Variants in SOX6 observed in about 807,000 individuals in gnomAD.
The protein encoded by SOX6 is SRY-box transcription factor 6.
A neutral mutation model predicts 97.8 loss-of-function variants in SOX6; 11 were observed. The observed-to-expected ratio is 0.11, with a 90% CI of 0.07 to 0.19. The LOEUF is 0.19. SOX6 is among the 10% of genes least tolerant of loss of function. The pLI, the probability that SOX6 is intolerant of heterozygous loss-of-function variation, is 1.00. For missense variants in SOX6, 810 were observed against 1,039.5 expected (o/e 0.78, Z 3.04); for synonymous variants, 360 against 371.4 (o/e 0.97, Z 0.35).
At chr11:16,472,897 T>C (rs1225353611) in intron 1 of SOX6, among the ~76,000 whole-genome samples, 11 of 152,158 alleles carry the variant, frequency 7.2e-5, no homozygotes, top group Non-Finnish European at 1.6e-4. Context: ...TCTTTGCTGT[T>C]ATCAAATGTA....
chr11:16,156,165 T>C (rs542067675), intron 6 of SOX6, among the ~76,000 whole-genome samples: 75 of 152,114 alleles, frequency 4.9e-4, no homozygotes, highest in Non-Finnish European at 8.4e-4. Flanking sequence ...CTAAGAGCCC[T>C]ATCACCACAT....
At chr11:16,534,064 G>C (rs771777206) in intron 4 of SOX6, among the ~76,000 whole-genome samples, 6 of 152,118 alleles carry the variant, frequency 3.9e-5, no homozygotes, top group Non-Finnish European at 5.9e-5. Context: ...GCAATTTAAA[G>C]TAATGACTTG....
intron 3 of SOX6, among the ~76,000 whole-genome samples, chr11:16,713,180 A>C (rs547746421): frequency 1.3e-5 from 2 of 152,332 alleles, no homozygotes; most frequent in Non-Finnish European, 2.9e-5. Flanking sequence ...AACTATACCT[A>C]AGAAATTTTC....
chr11:16,287,205 G>A (rs1250508814), intron 3 of SOX6, among the ~76,000 whole-genome samples: 1 of 151,220 alleles, frequency 6.6e-6, no homozygotes, highest in Non-Finnish European at 1.5e-5. Context: ...ATGCTATATT[G>A]TGCTATACCA....
intron 4 of SOX6, among the ~76,000 whole-genome samples, chr11:16,578,722 G>A (rs938146007): frequency 1.5e-4 from 23 of 152,032 alleles, no homozygotes; most frequent in African/African-American, 5.3e-4. Flanking sequence ...AAAAGAAAGA[G>A]GAGTGCAGAG....
intron 3 of SOX6, among the ~76,000 whole-genome samples, chr11:16,269,738 C>T (rs1854193172): frequency 6.6e-6 from 1 of 151,114 alleles, no homozygotes; most frequent in African/African-American, 2.4e-5. Context: ...ATTATATCCT[C>T]TAATTGGCTG....
chr11:16,575,531 C>G (rs1024156918), intron 4 of SOX6, among the ~76,000 whole-genome samples: 4 of 152,126 alleles, frequency 2.6e-5, no homozygotes, highest in Non-Finnish European at 5.9e-5. Flanking sequence ...ATAAACAATT[C>G]TGATATTCAC....
chr11:16,599,883 A>AGAAGAGAT (rs889511979), intron 4 of SOX6, among the ~76,000 whole-genome samples: 7 of 152,202 alleles, frequency 4.6e-5, no homozygotes, highest in African/African-American at 1.7e-4. Flanking sequence ...TAGAGGAGCA[A>AGAAGAGAT]GAAGAGATTC....
chr11:16,233,759 T>C (rs1342966851), intron 4 of SOX6, among the ~76,000 whole-genome samples: 7 of 151,952 alleles, frequency 4.6e-5, no homozygotes, highest in African/African-American at 1.7e-4. Context: ...CCTGTAATCC[T>C]AGCAATTTGG....
intron 2 of SOX6, among the ~76,000 whole-genome samples, chr11:16,320,807 A>G (rs1386624489): frequency 6.6e-6 from 1 of 152,150 alleles, no homozygotes; most frequent in Admixed American, 6.6e-5. Flanking sequence ...CTTTTCATTG[A>G]GATAAATCTT....
At chr11:16,360,681 C>T (rs574942652), upstream of SOX6, among the ~76,000 whole-genome samples, 78 of 152,142 alleles carry the variant, frequency 5.1e-4, no homozygotes, top group Middle Eastern at 0.01. Flanking sequence ...ATAAATAATG[C>T]GTTGAATGAC....
chr11:16,331,448 TCAA>T (rs1431455003), intron 2 of SOX6, among the ~76,000 whole-genome samples: 2 of 152,174 alleles, frequency 1.3e-5, no homozygotes, highest in Non-Finnish European at 2.9e-5. Flanking sequence ...CCCTGTGAGC[TCAA>T]CAAACTCCTC....
chr11:16,194,657 T>A (rs1851723260), intron 4 of SOX6, among the ~76,000 whole-genome samples: 1 of 152,104 alleles, frequency 6.6e-6, no homozygotes, highest in South Asian at 2.1e-4. Flanking sequence ...AAGATCAAAC[T>A]CTCCTATACC....
intron 3 of SOX6, among the ~76,000 whole-genome samples, chr11:16,692,088 TGC>T (rs75817806): frequency 0.13 from 19,092 of 144,478 alleles, 1,228 homozygotes; most frequent in Admixed American, 0.17. Context: ...TGTGTGTGTG[TGC>T]GCGCGCGCGC....
chr11:16,705,128 G>A (rs1439045464), intron 3 of SOX6, among the ~76,000 whole-genome samples: 1 of 151,864 alleles, frequency 6.6e-6, no homozygotes, highest in Non-Finnish European at 1.5e-5. Flanking sequence ...CATGGTAGTG[G>A]GCACCTGTAA....
At chr11:16,358,804 A>G (rs1465003708), upstream of SOX6, among the ~76,000 whole-genome samples, 2 of 152,164 alleles carry the variant, frequency 1.3e-5, no homozygotes, top group African/African-American at 2.4e-5. Context: ...TCTAACACTG[A>G]AATTTTATTA....
At chr11:16,302,988 T>C (rs1855311867) in intron 3 of SOX6, among the ~76,000 whole-genome samples, 1 of 152,172 alleles carries the variant, frequency 6.6e-6, no homozygotes, top group Non-Finnish European at 1.5e-5. Context: ...ACAATATTTA[T>C]CTCTGTTCAT....
intron 6 of SOX6, among the ~76,000 whole-genome samples, chr11:16,161,437 T>C (rs1221426036): frequency 6.6e-6 from 1 of 151,866 alleles, no homozygotes; most frequent in African/African-American, 2.4e-5. Flanking sequence ...TAGTAGCTAA[T>C]AGGCTCTAGT....
At chr11:16,336,886 T>C (rs1856478526) in intron 2 of SOX6, among the ~76,000 whole-genome samples, 1 of 152,152 alleles carries the variant, frequency 6.6e-6, no homozygotes, top group Admixed American at 6.6e-5. Flanking sequence ...CTTTGCACAG[T>C]GATTCTTTTT....
Sources: gnomAD v4.1 joint callset for allele counts (sites outside exome capture counted in the v4.1 genomes callset) on GRCh38, gnomAD v4.1.1 for gene constraint, MANE v1.5 for transcripts, NCBI Gene and HGNC (gene_info 2026-07-23, HGNC 2026-07-21) for gene names.